STK32B: variants seen among roughly 807,000 people sequenced by gnomAD.
The protein encoded by STK32B is serine/threonine kinase 32B.
Under a neutral mutation model 52.6 loss-of-function variants are expected in STK32B, and 43 were observed. The ratio of observed to expected loss-of-function variants is 0.82; its 90% CI spans 0.64 to 1.05. STK32B has a LOEUF of 1.05. Ranked by LOEUF, STK32B falls within the 50% of genes least tolerant of loss-of-function variation. The pLI is 0.00. For missense variants in STK32B, 621 were observed against 534.6 expected (o/e 1.16, Z -1.59); for synonymous variants, 238 against 204.3 (o/e 1.17, Z -1.41).
At chr4:5,356,813 A>T (rs554778430) in intron 4 of STK32B, among the ~76,000 whole-genome samples, 319 of 152,242 alleles carry the variant, frequency 2.1e-3, no homozygotes, top group African/African-American at 7.5e-3. Context: ...TCTGGCCAAC[A>T]TGGTGAAAAC....
In STK32B at chr4:5,398,052, T is replaced by G. The variant is rs1036841804; in HGVS notation, c.435-155T>G. Among the ~76,000 whole-genome samples, 4 of 152,246 alleles carry G rather than the reference T, an allele frequency of 2.6e-5. No individual in the cohort carries two copies. Among genetic ancestry groups the G allele is most frequent in the African/African-American group, 9.6e-5 (4 of 41,458 alleles). ...ATAAGAACACAGGTGTCCCATTATC[T>G]TACCAATTATTCTCCCACTCCATGT... On this transcript the variant is annotated intron_variant, in intron 4 of 11. Transcript: ENST00000282908. The surrounding 1 kb of genome is among the most constrained non-coding windows in gnomAD (Gnocchi z 4.9).
intron 4 of STK32B, among the ~76,000 whole-genome samples, chr4:5,367,876 CAT>C (rs1179489495): frequency 6.6e-6 from 1 of 152,154 alleles, no homozygotes; most frequent in Admixed American, 6.5e-5. Context: ...ACTCCAATCT[CAT>C]ATAAGATTCA....
At chr4:5,180,178 C>A (rs535646845) in intron 3 of STK32B, among the ~76,000 whole-genome samples, 43 of 152,336 alleles carry the variant, frequency 2.8e-4, no homozygotes, top group African/African-American at 9.6e-4. Context: ...GCTCATTTCT[C>A]AGAGACAGAA....
At chr4:5,159,566 AATATATATGAATATATATATGAATATAT>A (rs71169684) in intron 2 of STK32B, among the ~76,000 whole-genome samples, 12 of 69,180 alleles carry the variant, frequency 1.7e-4, no homozygotes, top group Non-Finnish European at 3.3e-4. Context: ...TATATGAATG[AATATATATGAATATATATATGAATATAT>A]ATGAATATAT....
chr4:5,441,358 A>C (rs1714730793), intron 6 of STK32B, among the ~76,000 whole-genome samples: 1 of 150,964 alleles, frequency 6.6e-6, no homozygotes, highest in Admixed American at 6.6e-5. Context: ...CCAGGAATTT[A>C]TCCATTTCTT....
chr4:5,059,307 T>TTCA (rs1321121304), intron 1 of STK32B, among the ~76,000 whole-genome samples: 1 of 152,060 alleles, frequency 6.6e-6, no homozygotes, highest in Admixed American at 6.6e-5. Context: ...GGAGAATGCA[T>TTCA]TCACTATTTT....
intron 4 of STK32B, among the ~76,000 whole-genome samples, chr4:5,376,423 C>T (rs576698047): frequency 6.7e-6 from 1 of 148,694 alleles, no homozygotes; most frequent in East Asian, 1.9e-4. Context: ...CTCTCCCCTG[C>T]CCCCCTCTCT....
intron 11 of STK32B, among the ~76,000 whole-genome samples, chr4:5,485,120 A>C (rs1188825687): frequency 6.6e-6 from 1 of 151,380 alleles, no homozygotes; most frequent in Non-Finnish European, 1.5e-5. Flanking sequence ...TATTTCCTGA[A>C]TCTGAATGTT....
At chr4:5,113,083 C>G (rs1714493963) in intron 1 of STK32B, among the ~76,000 whole-genome samples, 1 of 152,026 alleles carries the variant, frequency 6.6e-6, no homozygotes, top group Admixed American at 6.6e-5. Context: ...TCTGTATTCC[C>G]CCAAAATTCT....
Position 5,378,900 on chromosome 4 carries a change from G to A in STK32B, c.435-19307G>A, listed in dbSNP as rs1735752902. On this transcript the variant is annotated intron_variant, in intron 4 of 11. Transcript: ENST00000282908. The surrounding 1 kb of genome is among the most constrained non-coding windows in gnomAD (Gnocchi z 4.4). The stretch of plus-strand genomic sequence containing the variant: ...CCTTGCAGCATTAAAGGCGTCATCT[G>A]CAAAAGGGGTGACAATTCTACCCTG... Among the ~76,000 whole-genome samples the A allele has an allele frequency of 6.6e-6, 1 of 152,162 alleles. No homozygotes were observed. Among genetic ancestry groups the A allele is most frequent in the South Asian group, 2.1e-4 (1 of 4,822 alleles).
At chr4:5,085,817 C>G (rs1560143649) in intron 1 of STK32B, among the ~76,000 whole-genome samples, 1 of 152,160 alleles carries the variant, frequency 6.6e-6, no homozygotes, top group African/African-American at 2.4e-5. Flanking sequence ...TCTCATTCCC[C>G]ATTTACTATC....
At chr4:5,209,196 T>A (rs78737827) in intron 3 of STK32B, among the ~76,000 whole-genome samples, 2 of 152,148 alleles carry the variant, frequency 1.3e-5, no homozygotes, top group African/African-American at 4.8e-5. Context: ...GGAAGACTTA[T>A]GTGTCAGGAA....
intron 1 of STK32B, among the ~76,000 whole-genome samples, chr4:5,130,683 G>A (rs1240095126): frequency 6.6e-6 from 1 of 152,068 alleles, no homozygotes; most frequent in African/African-American, 2.4e-5. Flanking sequence ...AAAGGGAGGT[G>A]AGGCCGCTTG....
At chr4:5,240,052 TTCTCTCTCTC>T (rs10563867) in intron 3 of STK32B, among the ~76,000 whole-genome samples, 2 of 147,782 alleles carry the variant, frequency 1.4e-5, no homozygotes, top group African/African-American at 2.5e-5. Flanking sequence ...TTCATTTCTC[TTCTCTCTCTC>T]TCTCTCTCTC....
At chr4:5,130,646 C>G (rs77179205) in intron 1 of STK32B, among the ~76,000 whole-genome samples, 1 of 152,082 alleles carries the variant, frequency 6.6e-6, no homozygotes, top group African/African-American at 2.4e-5. Context: ...GAGGCCAAAT[C>G]AGGCATTGGA....
At chr4:5,444,686 G>A (rs1158659299) in intron 6 of STK32B, among the ~76,000 whole-genome samples, 3 of 152,178 alleles carry the variant, frequency 2.0e-5, no homozygotes, top group African/African-American at 7.2e-5. Context: ...AATGTTCATG[G>A]AGCACTCACT....
chr4:5,345,722 A>C (rs1257457378), intron 4 of STK32B, among the ~76,000 whole-genome samples: 1 of 152,208 alleles, frequency 6.6e-6, no homozygotes, highest in African/African-American at 2.4e-5. Flanking sequence ...AGCTCATACT[A>C]TCTCTATTCT....
chr4:5,377,880 C>T (rs114877159), intron 4 of STK32B, among the ~76,000 whole-genome samples: 4,816 of 152,210 alleles, frequency 0.032, 248 homozygotes, highest in African/African-American at 0.11. Context: ...TTATGAATTA[C>T]CCAGTCTCTG....
chr4:5,087,496 T>C (rs1217762842), intron 1 of STK32B, among the ~76,000 whole-genome samples: 1 of 151,956 alleles, frequency 6.6e-6, no homozygotes, highest in Non-Finnish European at 1.5e-5. Context: ...AATTAAAAGA[T>C]AGATATTGGC....
Sources: allele counts gnomAD v4.1 joint callset (sites outside exome capture counted in the v4.1 genomes callset), GRCh38; gene constraint gnomAD v4.1.1; non-coding constraint Gnocchi (gnomAD v3.1); transcripts MANE v1.5; gene names NCBI Gene and HGNC (gene_info 2026-07-23, HGNC 2026-07-21).